Variants in CNST observed in about 807,000 individuals in gnomAD.
CNST encodes the protein consortin, connexin sorting protein.
Under a neutral mutation model 72.4 loss-of-function variants are expected in CNST, and 39 were observed. The ratio of observed to expected loss-of-function variants is 0.54; its 90% confidence interval spans 0.42 to 0.70. CNST has a LOEUF of 0.70. Ranked by LOEUF, CNST falls within the 30% of genes least tolerant of loss-of-function variation. The pLI is 0.00. For missense variants in CNST, 871 were observed against 868.5 expected, an observed-to-expected ratio of 1.00 and a Z score of -0.04; for synonymous variants, 332 against 320.1, an observed-to-expected ratio of 1.04 and a Z score of -0.40.
intron 2 of CNST, among the ~76,000 whole-genome samples, chr1:246,610,380 C>T (rs980114469): frequency 1.3e-5 from 2 of 152,076 alleles, no homozygotes; most frequent in African/African-American, 4.8e-5. Flanking sequence ...TTCCTGATTT[C>T]CTTTAGTTCT....
In CNST at chr1:246,647,781, G is replaced by T; in HGVS notation, c.1580G>T (p.Cys527Phe). Residue 527 changes from cysteine (C) to phenylalanine (F), a missense_variant, in exon 9 of 11, where the codon TGT becomes TTT. Physicochemically the swap from Cys to Phe is radical, Grantham distance 205 (BLOSUM62 -2). Coordinates refer to ENST00000366513, the MANE Select transcript of CNST (RefSeq NM_152609.3). Reference protein sequence around the residue: ...SDLGILLPEVCMAPEEKGDKD... With the variant: ...SDLGILLPEVFMAPEEKGDKD... Reference sequence around the variant, plus strand: ...TTAGGCATACTGCTTCCAGAGGTGTGTATGGCCCCAGAGGAAAAGGGAGAT... The same window carrying T: ...TTAGGCATACTGCTTCCAGAGGTGTTTATGGCCCCAGAGGAAAAGGGAGAT... 6.2e-7 allele frequency: 1 copy of T among 1,614,188 alleles called. No homozygotes were observed. The highest frequency in any genetic ancestry group is 1.1e-5 in the South Asian group (1 of 91,082).
Position 246,647,275 on chromosome 1 carries a change from C to G in CNST, c.1074C>G (p.Asp358Glu). 6.2e-7 allele frequency: 1 copy of G among 1,614,130 alleles called. No individual in the cohort carries two copies. The highest frequency in any genetic ancestry group is 8.5e-7 in the Non-Finnish European group (1 of 1,180,032). ...GCCTTTCGGTAACTGCAGGAAAGGA[C>G]CACATGGAGGAGCTGCTCTGCAGCG... ...SPSLSVTAGKDHMEELLCSAE... is the reference protein window; with the variant it reads ...SPSLSVTAGKEHMEELLCSAE... Residue 358 changes from aspartate (D) to glutamate (E), a missense_variant, in exon 9 of 11, where the codon GAC becomes GAG. Transcript: ENST00000366513.
At chr1:246,588,672 T>G (rs187792790) in intron 1 of CNST, among the ~76,000 whole-genome samples, 1 of 152,212 alleles carries the variant, frequency 6.6e-6, no homozygotes, top group Non-Finnish European at 1.5e-5. Context: ...TTATTCAATA[T>G]ATCTAAAGTA....
chr1:246,577,971 G>GT (rs1465399187), intron 1 of CNST, among the ~76,000 whole-genome samples: 1 of 151,094 alleles, frequency 6.6e-6, no homozygotes. Flanking sequence ...AATACTTGTG[G>GT]TTTTTTTGTT....
intron 1 of CNST, among the ~76,000 whole-genome samples, chr1:246,570,542 C>T (rs1264071292): frequency 6.6e-6 from 1 of 152,292 alleles, no homozygotes; most frequent in Non-Finnish European, 1.5e-5. Context: ...TGAACAAACT[C>T]CCTCTGTCAA....
intron 1 of CNST, among the ~76,000 whole-genome samples, chr1:246,577,320 A>ATAGCCTCTTCCTACTGGTACCTCCT (rs1441983416): frequency 6.6e-6 from 1 of 151,956 alleles, no homozygotes; most frequent in Non-Finnish European, 1.5e-5. Flanking sequence ...CACTCCCTTT[A>ATAGCCTCTTCCTACTGGTACCTCCT]TAGCCTCTTC....
intron 2 of CNST, chr1:246,605,727 TAGGTGTCTTCCG>T (rs1662711450): frequency 1.6e-4 from 18 of 109,712 alleles, no homozygotes; most frequent in East Asian, 9.6e-4. Flanking sequence ...CCGGCCGGGG[TAGGTGTCTTCCG>T]GCCGGGGTGC....
chr1:246,651,098 T>A (rs1484084432), intron 9 of CNST, among the ~76,000 whole-genome samples: 6 of 152,232 alleles, frequency 3.9e-5, no homozygotes, highest in Non-Finnish European at 4.4e-5. Context: ...GGATCTCTGC[T>A]GTCACACTTG....
rs776199898 is a variant in CNST at position 246,648,044 on chromosome 1, C to A, written c.1836+7C>A. ...AAGGATAGAGATTGCAGAGGTAAAT[C>A]AGAGATGAAGTACAATTAAAAGTAA... On this transcript the variant is annotated splice_region_variant and intron_variant, in intron 9 of 10. Transcript: ENST00000366513. The A allele has an allele frequency of 1.3e-6, 2 of 1,591,190 alleles. No individual in the cohort carries two copies. The highest frequency in any genetic ancestry group is 1.1e-5 in the South Asian group (1 of 87,320).
intron 9 of CNST, among the ~76,000 whole-genome samples, chr1:246,659,438 CA>C (rs567802228): frequency 2.5e-4 from 38 of 152,150 alleles, no homozygotes; most frequent in East Asian, 2.1e-3. Context: ...ACTGAAAATA[CA>C]AAAAAATTAG....
intron 1 of CNST, among the ~76,000 whole-genome samples, chr1:246,585,886 C>G (rs958988044): frequency 6.6e-6 from 1 of 151,902 alleles, no homozygotes. Flanking sequence ...TTGAGACCAG[C>G]CTGGGCAACA....
At position 246,614,010 on chromosome 1, in the gene CNST, A is replaced by G. The variant is rs1347127525; in HGVS notation, c.380-7419A>G. 3.9e-5 allele frequency among the ~76,000 whole-genome samples: 6 copies of G among 151,942 alleles called. 1 individual carries two copies. The highest frequency in any genetic ancestry group is 3.9e-4 in the Admixed American group (6 of 15,256). On this transcript the variant is annotated intron_variant, in intron 2 of 10. Transcript: ENST00000366513. ...CACTTGGCCTGTGTGAGGTCTTTAA[A>G]TAACCCTTCCCTATCCTCAAAAATG...
At chr1:246,624,215 T>G (rs558970942) in intron 3 of CNST, among the ~76,000 whole-genome samples, 2 of 152,364 alleles carry the variant, frequency 1.3e-5, no homozygotes, top group South Asian at 2.1e-4. Flanking sequence ...TCACCATTGT[T>G]GAGTAGCACC....
intron 9 of CNST, among the ~76,000 whole-genome samples, chr1:246,653,694 A>G (rs956373124): frequency 3.3e-5 from 5 of 152,202 alleles, no homozygotes; most frequent in African/African-American, 9.7e-5. Flanking sequence ...CTTGATAGCC[A>G]TGTCTCTTGC....
chr1:246,654,890 G>A (rs1666688327), intron 9 of CNST, among the ~76,000 whole-genome samples: 4 of 152,088 alleles, frequency 2.6e-5, no homozygotes, highest in South Asian at 4.2e-4. Flanking sequence ...GGAAGACAGC[G>A]CTGAACACAG....
At chr1:246,658,541 C>A (rs1489163162) in intron 9 of CNST, among the ~76,000 whole-genome samples, 1 of 152,036 alleles carries the variant, frequency 6.6e-6, no homozygotes, top group Non-Finnish European at 1.5e-5. Context: ...CTATCTTGGT[C>A]TATTTGGCCC....
chr1:246,618,500 A>G (rs1233329384), intron 2 of CNST, among the ~76,000 whole-genome samples: 1 of 152,144 alleles, frequency 6.6e-6, no homozygotes, highest in Non-Finnish European at 1.5e-5. Flanking sequence ...AGTTTTGCTA[A>G]CGTCTTCAGT....
chr1:246,634,390 GGTGCTA>G, intron 5 of CNST, 77 bp from the exon 6 acceptor site: 1 of 716,456 alleles, frequency 1.4e-6, no homozygotes, highest in Non-Finnish European at 2.3e-6. Context: ...CTTTATGAGT[GGTGCTA>G]GTTAACTGTT....
rs1317390203 is a variant in CNST at position 246,647,554 on chromosome 1, A to G, written c.1353A>G (p.Lys451=). ...RIPPALISEG[K]YSQAQRKELR... ...CTCCTGCATTGATTTCTGAGGGTAA[A>G]TATTCACAGGCTCAGAGGAAAGAAC... is the stretch of plus-strand genomic sequence containing the variant. Residue 451 remains lysine, a synonymous_variant, in exon 9 of 11, where the codon AAA becomes AAG. Coordinates refer to ENST00000366513, the MANE Select transcript of CNST (RefSeq NM_152609.3). The G allele has an allele frequency of 6.2e-7, 1 of 1,614,024 alleles. No homozygotes were observed. The highest frequency in any genetic ancestry group is 1.7e-5 in the Admixed American group (1 of 59,996).
Sources: gnomAD v4.1 joint callset for allele counts (sites outside exome capture counted in the v4.1 genomes callset) on GRCh38, gnomAD v4.1.1 for gene constraint, MANE v1.5 for transcripts, NCBI Gene and HGNC (gene_info 2026-07-23, HGNC 2026-07-21) for gene names.